The following COA1 variants were observed in gnomAD, a reference collection of about 807,000 sequenced individuals.
COA1 encodes the protein cytochrome c oxidase assembly factor 1.
A neutral mutation model predicts 16.0 loss-of-function variants in COA1; 13 were observed. The observed-to-expected ratio is 0.81, with a 90% CI of 0.53 to 1.29. COA1 has a LOEUF of 1.29. COA1 is among the 50% of genes most tolerant of loss of function. The pLI is 0.00. For missense variants in COA1, 179 were observed against 177.0 expected, an observed-to-expected ratio of 1.01 and a Z score of -0.06; for synonymous variants, 65 against 65.7, an observed-to-expected ratio of 0.99 and a Z score of 0.05.
chr7:43,648,368 G>A, intron 2 of COA1: 1 of 610,140 alleles, frequency 1.6e-6, no homozygotes, highest in Non-Finnish European at 3.0e-6. Context: ...CTGGGTTATG[G>A]AGAGGTTCCC....
chr7:43,655,577 G>A (rs1478348538), intron 1 of COA1, among the ~76,000 whole-genome samples: 1 of 152,088 alleles, frequency 6.6e-6, no homozygotes, highest in Non-Finnish European at 1.5e-5. Context: ...CGGAAGAATC[G>A]TTTGAATCCT....
intron 1 of COA1, among the ~76,000 whole-genome samples, chr7:43,690,417 A>G (rs2094220547): frequency 6.6e-6 from 1 of 152,176 alleles, no homozygotes; most frequent in African/African-American, 2.4e-5. Flanking sequence ...GTATGTACAG[A>G]CACACATATA....
intron 6 of COA1, among the ~76,000 whole-genome samples, chr7:43,616,829 G>A (rs2083397443): frequency 6.6e-6 from 1 of 152,112 alleles, no homozygotes; most frequent in African/African-American, 2.4e-5. Flanking sequence ...CCTGGGAGGT[G>A]GAGCTTGCAG....
chr7:43,612,684 A>G (rs776684613), intron 6 of COA1, among the ~76,000 whole-genome samples: 2 of 152,314 alleles, frequency 1.3e-5, no homozygotes, highest in South Asian at 4.1e-4. Flanking sequence ...TATTAAGGAT[A>G]TAATTGACGC....
intron 3 of COA1, 137 bp downstream of exon 3, chr7:43,647,398 A>G: frequency 1.4e-6 from 1 of 694,690 alleles, no homozygotes; most frequent in South Asian, 1.6e-5. Flanking sequence ...TAGCCAACGA[A>G]ATGGTGGACT....
intron 5 of COA1, among the ~76,000 whole-genome samples, chr7:43,639,897 AC>A (rs2086622732): frequency 6.6e-6 from 1 of 152,216 alleles, no homozygotes; most frequent in South Asian, 2.1e-4. Context: ...CTTAACAATG[AC>A]TGACAGGCGA....
Position 43,711,864 on chromosome 7 carries a change from G to A in COA1, c.-39+17565C>T, listed in dbSNP as rs562583452. On this transcript the variant is annotated intron_variant, in intron 1 of 5. Transcript: ENST00000223336. ...AGTGTCATCTATGCAGTTCACTGCT[G>A]ACTGAAATGTCACTAAGTGGCACAT... 2.7e-4 allele frequency among the ~76,000 whole-genome samples: 41 copies of A among 152,270 alleles called. No individual in the cohort carries two copies. In the South Asian group the frequency reaches 6.9e-3, roughly 25 times the overall value.
intron 6 of COA1, chr7:43,619,637 A>G (rs1246041326): frequency 1.2e-6 from 2 of 1,614,108 alleles, no homozygotes. Context: ...CCATTGGGTG[A>G]CATTAAGATT....
intron 1 of COA1, among the ~76,000 whole-genome samples, chr7:43,710,375 A>AAAAAAAAATATATATAT (rs761592421): frequency 2.7e-5 from 1 of 36,434 alleles, no homozygotes; most frequent in Non-Finnish European, 4.7e-5. Flanking sequence ...AAAAAAAAAA[A>AAAAAAAAATATATATAT]ATATATATAT....
At chr7:43,645,456 T>C in intron 3 of COA1, 57 bp from the exon 4 acceptor site, 1 of 1,493,510 alleles carries the variant, frequency 6.7e-7, no homozygotes, top group Non-Finnish European at 9.3e-7. Flanking sequence ...TAGAATCTAC[T>C]ACACAGAAAA....
downstream of COA1, among the ~76,000 whole-genome samples, chr7:43,635,393 G>A (rs1285853742): frequency 6.6e-6 from 1 of 152,202 alleles, no homozygotes; most frequent in Non-Finnish European, 1.5e-5. Flanking sequence ...TTAGGGGCTT[G>A]TAAGGGTTTA....
chr7:43,721,314 C>G (rs2095501024), intron 1 of COA1, among the ~76,000 whole-genome samples: 1 of 152,162 alleles, frequency 6.6e-6, no homozygotes, highest in Non-Finnish European at 1.5e-5. Flanking sequence ...TCTTGATTTT[C>G]TGATGTAAAA....
chr7:43,617,231 GTTACC>G (rs1389951379), intron 6 of COA1, among the ~76,000 whole-genome samples: 2 of 152,152 alleles, frequency 1.3e-5, no homozygotes, highest in Admixed American at 1.3e-4. Context: ...GAGTTTGGAG[GTTACC>G]TAAGAGCAAT....
At chr7:43,627,256 G>A (rs1162617281) in intron 6 of COA1, among the ~76,000 whole-genome samples, 1 of 152,130 alleles carries the variant, frequency 6.6e-6, no homozygotes, top group African/African-American at 2.4e-5. Context: ...AAAACTAGGA[G>A]GTAATTAATA....
intron 1 of COA1, chr7:43,659,284 A>G (rs1563286087): frequency 6.6e-6 from 1 of 152,216 alleles, no homozygotes; most frequent in Admixed American, 6.5e-5. Flanking sequence ...TTATCCTTAA[A>G]CCTCCTTACA....
At position 43,706,941 on chromosome 7, in the gene COA1, T is replaced by C. The variant is rs1321525170; in HGVS notation, c.-39+22488A>G. On this transcript the variant is annotated intron_variant, in intron 1 of 5. Transcript: ENST00000223336. Reference sequence around the variant, plus strand: ...ATCCCAGCACTTTGGGAGGCTGAGGTGGGCAGATCACTTGAGATCAGGAGT... The same window carrying C: ...ATCCCAGCACTTTGGGAGGCTGAGGCGGGCAGATCACTTGAGATCAGGAGT... Among the ~76,000 whole-genome samples, 6 of 151,776 alleles carry C rather than the reference T, an allele frequency of 4.0e-5. No individual in the cohort carries two copies. In the East Asian group the frequency reaches 7.8e-4, roughly 20 times the overall value.
intron 6 of COA1, among the ~76,000 whole-genome samples, chr7:43,618,003 T>C (rs2083499328): frequency 2.0e-5 from 3 of 152,190 alleles, no homozygotes; most frequent in South Asian, 4.2e-4. Flanking sequence ...GAAAAAAGCA[T>C]TGAAGAATAT....
At chr7:43,709,261 C>T (rs371368740) in intron 1 of COA1, among the ~76,000 whole-genome samples, 1 of 151,968 alleles carries the variant, frequency 6.6e-6, no homozygotes, top group Non-Finnish European at 1.5e-5. Flanking sequence ...CTCCTGACCT[C>T]GTTATCCACC....
intron 1 of COA1, among the ~76,000 whole-genome samples, chr7:43,701,007 T>A (rs1585182867): frequency 6.6e-6 from 1 of 152,146 alleles, no homozygotes; most frequent in Non-Finnish European, 1.5e-5. Flanking sequence ...AACCAAAAAG[T>A]TTTTGTTAAA....
Sources: gnomAD v4.1 joint callset for allele counts (sites outside exome capture counted in the v4.1 genomes callset) on GRCh38, gnomAD v4.1.1 for gene constraint, MANE v1.5 for transcripts, NCBI Gene and HGNC (gene_info 2026-07-23, HGNC 2026-07-21) for gene names.